The following CDH24 variants were observed in gnomAD, a reference collection of about 807,000 sequenced individuals.
CDH24 encodes cadherin-24.
CDH24 carries 61 observed loss-of-function variants against 71.2 expected under a neutral mutation model. The observed-to-expected ratio is 0.86, with a 90% CI of 0.70 to 1.06. CDH24 has a LOEUF of 1.06. Ranked by LOEUF, CDH24 falls within the 50% of genes least tolerant of loss-of-function variation. The probability of loss-of-function intolerance (pLI) is 0.00; values close to 1 mark genes in which losing one functional copy is unlikely to be tolerated. For missense variants in CDH24, 961 were observed against 1,083.7 expected (o/e 0.89, Z 1.59); for synonymous variants, 440 against 470.2 (o/e 0.94, Z 0.83).
At position 23,048,068 on chromosome 14, in the gene CDH24, G is replaced by A; in HGVS notation, c.2258C>T (p.Pro753Leu). Residue 753 changes from proline (P) to leucine (L), a missense_variant, in exon 12 of 13, where the codon CCC becomes CTC. By Grantham distance (98) the Pro-to-Leu change is moderately conservative. This residue lies in a region of CDH24 where 290 missense variants were observed against 272.8 expected (regional missense o/e 1.06). Coordinates refer to ENST00000487137, the MANE Select transcript of CDH24 (RefSeq NM_144985.4). ...GTCGTCCAGCGGCTCCGCGGGGCCG[G>A]GGGCGCCGCCGGCTTCGCTGCCGGA... The part of the protein sequence containing the change: ...LGSGSEAGGA[P>L]GPAEPLDDWG... 2 of 1,430,490 alleles carry A rather than the reference G, an allele frequency of 1.4e-6. No homozygotes were observed. Among genetic ancestry groups the A allele is most frequent in the African/African-American group, 1.5e-5 (1 of 66,314 alleles). 88.6% of individuals were successfully genotyped at this position (1,430,490 alleles called of 1,614,324 possible).
chr14:23,048,635 C>G (rs2047061455), intron 11 of CDH24, among the ~76,000 whole-genome samples, 156 bp from the exon 12 acceptor site: 1 of 152,224 alleles, frequency 6.6e-6, no homozygotes, highest in South Asian at 2.1e-4. Flanking sequence ...TCAGCCCTTA[C>G]TCGCTATGTG....
intron 11 of CDH24, 103 bp from the exon 12 acceptor site, chr14:23,048,582 CT>C: frequency 1.7e-6 from 2 of 1,177,702 alleles, no homozygotes; most frequent in Non-Finnish European, 2.4e-6. Context: ...AAGCCCTGTG[CT>C]TAGGGGCTGA....
rs966248241 is a variant in CDH24 at position 23,051,970 on chromosome 14, C to T, written c.1363+503G>A. 1.3e-6 allele frequency: 2 copies of T among 1,550,696 alleles called. No individual in the cohort carries two copies. Among genetic ancestry groups the T allele is most frequent in the Non-Finnish European group, 1.8e-6 (2 of 1,139,824 alleles). ...TTCCTTATGGTGTCCACTCCCCTAC[C>T]TTGGGGGATTCCCACAGCGCTTCCA... On this transcript the variant is annotated intron_variant, in intron 8 of 12. Transcript: ENST00000487137. This position sits in a 1 kb window ranked among gnomAD's most constrained non-coding sequence, Gnocchi z 4.4.
rs145040862 is a variant in CDH24 at position 23,051,033 on chromosome 14, G to GCA, written c.1364-1092_1364-1091dup. 0.034 allele frequency among the ~76,000 whole-genome samples: 5,188 copies of GCA among 150,930 alleles called. 294 individuals carry two copies. The highest frequency in any genetic ancestry group is 0.12 in the African/African-American group (4,886 of 41,054). On this transcript the variant is annotated intron_variant, in intron 8 of 12. Transcript: ENST00000487137. The surrounding 1 kb of genome is among the most constrained non-coding windows in gnomAD (Gnocchi z 4.4). ...GAATGAGAAGACAGTGACTAGAAAC[G>GCA]CACACACACACAAAGCTATGTATAT... is the stretch of plus-strand genomic sequence containing the variant.
In CDH24 at chr14:23,049,816, G is replaced by C; in HGVS notation, c.1485+6C>G. On this transcript the variant is annotated splice_donor_region_variant and intron_variant, in intron 9 of 12. Transcript: ENST00000487137. ...ACGTCCCAACCCCTCTGCCTCAGTTGCTCACCTGGCCAGGAGCTGCAGAGT... is the reference window on the plus strand; with the variant it reads ...ACGTCCCAACCCCTCTGCCTCAGTTCCTCACCTGGCCAGGAGCTGCAGAGT... 6.2e-7 allele frequency: 1 copy of C among 1,613,924 alleles called. No individual in the cohort carries two copies. The highest frequency in any genetic ancestry group is 8.5e-7 in the Non-Finnish European group (1 of 1,179,880).
rs776898472 is a variant in CDH24 at position 23,049,236 on chromosome 14, G to A, written c.1637C>T (p.Pro546Leu). The A allele has an allele frequency of 1.9e-6, 3 of 1,576,146 alleles. No homozygotes were observed. The South Asian group carries it at 3.5e-5, about 18-fold the overall frequency. Residue 546 changes from proline to leucine, a missense_variant, in exon 11 of 13, where the codon CCA becomes CTA. Physicochemically the swap from Pro to Leu is moderately conservative, Grantham distance 98. Around this residue, in one of 2 missense-constraint regions of CDH24, gnomAD observed 671 missense variants for 810.9 expected, o/e 0.83. Transcript: ENST00000487137. ...ASLLLPSRPA[P>L]PRHAPYLVPI... Reference sequence around the variant, plus strand: ...AACCAAGTAGGGGGCATGGCGGGGTGGAGCAGGGCGGGAGGGCAGCAGCAG... The same window carrying A: ...AACCAAGTAGGGGGCATGGCGGGGTAGAGCAGGGCGGGAGGGCAGCAGCAG...
Position 23,048,338 on chromosome 14 carries a change from G to T in CDH24, c.1988C>A (p.Thr663Lys). Reference protein sequence around the residue: ...GEEDTEAFDITALQNPDGAAP... With the variant: ...GEEDTEAFDIKALQNPDGAAP... ...CGCCCCGTCCGGGTTCTGCAAGGCC[G>T]TGATGTCGAAGGCCTCGGTGTCCTC... The change falls in exon 12 of 13, where the codon ACG becomes AAG. Residue 663 changes from threonine (T) to lysine (K), a missense_variant. By Grantham distance (78) the Thr-to-Lys change is moderately conservative (BLOSUM62 -1). Around this residue, in one of 2 missense-constraint regions of CDH24, gnomAD observed 290 missense variants for 272.8 expected, o/e 1.06. Coordinates refer to ENST00000487137, the MANE Select transcript of CDH24 (RefSeq NM_144985.4). 6.2e-7 allele frequency: 1 copy of T among 1,611,236 alleles called. No homozygotes were observed. Among genetic ancestry groups the T allele is most frequent in the Non-Finnish European group, 8.5e-7 (1 of 1,179,264 alleles).
chr14:23,047,904 TG>T lies in CDH24; in HGVS notation c.*75del. The T allele has an allele frequency of 8.7e-7, 1 of 1,153,918 alleles. No homozygotes were observed. Among genetic ancestry groups the T allele is most frequent in the Non-Finnish European group, 1.1e-6 (1 of 909,798 alleles). The allele number at this position is 1,153,918 out of a possible 1,614,324, so 71.5% of individuals were successfully genotyped here. A position where few individuals can be genotyped will look rare whatever the true frequency, so the allele number is the denominator to read the frequency against. On this transcript the variant is annotated 3_prime_UTR_variant, in exon 12 of 13. Coordinates refer to ENST00000487137, the MANE Select transcript of CDH24 (RefSeq NM_144985.4). ...GGCCCCTGGGCTGCTGCCGCCCGCC[TG>T]GACCCCGTGGGGCTCACTCAGAGGG...
Position 23,054,522 on chromosome 14 carries a change from G to T in CDH24, c.768C>A (p.Pro256=). 1 of 1,613,514 alleles carries T rather than the reference G, an allele frequency of 6.2e-7. No individual in the cohort carries two copies. Among genetic ancestry groups the T allele is most frequent in the Admixed American group, 1.7e-5 (1 of 59,970 alleles). Residue 256 remains proline (P), a synonymous_variant, in exon 5 of 13, where the codon CCC becomes CCA. Coordinates refer to ENST00000487137, the MANE Select transcript of CDH24 (RefSeq NM_144985.4). This position sits in a 1 kb window ranked among gnomAD's most constrained non-coding sequence, Gnocchi z 5.2. Reference sequence around the variant, plus strand: ...GCCCCTTACTCTGTGGGAACTTGGGGGGGTTGTCGTTGACATCGCTGAGCG... The same window carrying T: ...GCCCCTTACTCTGTGGGAACTTGGGTGGGTTGTCGTTGACATCGCTGAGCG... ...TVTLSDVNDN[P]PKFPQSLYQF... is the part of the protein sequence containing the mutation.
At chr14:23,050,493 C>CCA (rs10553168) in intron 8 of CDH24, among the ~76,000 whole-genome samples, 9,923 of 144,776 alleles carry the variant, frequency 0.069, 434 homozygotes, top group African/African-American at 0.14. Flanking sequence ...CATATACACA[C>CCA]CACACACACA....
intron 7 of CDH24, among the ~76,000 whole-genome samples, 179 bp downstream of exon 7, chr14:23,053,317 C>T (rs1357458674): frequency 6.6e-6 from 1 of 152,226 alleles, no homozygotes; most frequent in Non-Finnish European, 1.5e-5. Context: ...GAGTGGTCAG[C>T]CAGGCCCTCC....
chr14:23,051,998 AGGGCTTCTCTGG>A lies in CDH24; in HGVS notation c.1363+463_1363+474del. ...GGGGGATTCCCACAGCGCTTCCAACAGGGCTTCTCTGGGGTGGGGCTGCTGGTGCACTCCACT... is the reference window on the plus strand; with the variant it reads ...GGGGGATTCCCACAGCGCTTCCAACAGGTGGGGCTGCTGGTGCACTCCACT... On this transcript the variant is annotated intron_variant, in intron 8 of 12. Coordinates refer to ENST00000487137, the MANE Select transcript of CDH24 (RefSeq NM_144985.4). This position sits in a 1 kb window ranked among gnomAD's most constrained non-coding sequence, Gnocchi z 4.4. 6.3e-7 allele frequency: 1 copy of A among 1,587,564 alleles called. No individual in the cohort carries two copies. Among genetic ancestry groups the A allele is most frequent in the Non-Finnish European group, 8.6e-7 (1 of 1,165,960 alleles).
intron 1 of CDH24, among the ~76,000 whole-genome samples, chr14:23,056,870 C>A (rs569610562): frequency 2.3e-3 from 351 of 152,170 alleles, no homozygotes; most frequent in Middle Eastern, 0.014. Context: ...GTAGCTGTGG[C>A]TTCTGCCCCT....
Position 23,048,100 on chromosome 14 carries a change from G to C in CDH24, c.2226C>G (p.Ser742=). 2 of 1,409,334 alleles carry C rather than the reference G, an allele frequency of 1.4e-6. No individual in the cohort carries two copies. The highest frequency in any genetic ancestry group is 1.8e-6 in the Non-Finnish European group (2 of 1,087,932). 87.3% of individuals were successfully genotyped at this position (1,409,334 alleles called of 1,614,324 possible). A position where few individuals can be genotyped will look rare whatever the true frequency, so the allele number is the denominator to read the frequency against. The change falls in exon 12 of 13, where the codon TCC becomes TCG. Residue 742 remains serine (S), a synonymous_variant. Coordinates refer to ENST00000487137, the MANE Select transcript of CDH24 (RefSeq NM_144985.4). ...CGCCGGCTTCGCTGCCGGAGCCCAG[G>C]GAGCTGAGGGAGCCGCAAGAGGAGC... ...GRGSSCGSLS[S]LGSGSEAGGA...
At chr14:23,052,965 C>A (rs2047096118) in intron 7 of CDH24, among the ~76,000 whole-genome samples, 1 of 152,076 alleles carries the variant, frequency 6.6e-6, no homozygotes, top group African/African-American at 2.4e-5. Context: ...TGACTTAGGG[C>A]AAATTGTTTA....
rs1244209970 is a variant in CDH24 at position 23,047,748 on chromosome 14, A to G, written c.*232T>C. ...CAGGGCAGGAAACCCAGGCCCGGAC[A>G]GAGGAGCGTGTCACAGATAGAGACA... is the stretch of plus-strand genomic sequence containing the variant. On this transcript the variant is annotated 3_prime_UTR_variant, in exon 12 of 13. Transcript: ENST00000487137. 2.9e-6 allele frequency: 1 copy of G among 350,154 alleles called. No homozygotes were observed. The highest frequency in any genetic ancestry group is 5.1e-6 in the Non-Finnish European group (1 of 195,362). 21.7% of individuals were successfully genotyped at this position (350,154 alleles called of 1,614,324 possible).
At chr14:23,049,789 G>A in intron 9 of CDH24, 33 bp downstream of exon 9, 1 of 1,613,154 alleles carries the variant, frequency 6.2e-7, no homozygotes, top group Non-Finnish European at 8.5e-7. Context: ...CTGGAGGCCT[G>A]GACGTCCCAA....
intron 8 of CDH24, chr14:23,052,139 T>G: frequency 1.0e-6 from 1 of 991,058 alleles, no homozygotes; most frequent in Non-Finnish European, 1.6e-6. Flanking sequence ...GGGGGCTATG[T>G]AAGGTCTAGT....
chr14:23,055,434 G>C lies in CDH24; in HGVS notation c.202-81C>G. 13 of 1,583,678 alleles carry C rather than the reference G, an allele frequency of 8.2e-6. No homozygotes were observed. Among genetic ancestry groups the C allele is most frequent in the Non-Finnish European group, 1.1e-5 (13 of 1,161,196 alleles). ...GAGTCTAGGTTTGGGTAGAGCGTTGGGAGTCCTGAGGGACCAAGGTCATTG... is the reference window on the plus strand; with the variant it reads ...GAGTCTAGGTTTGGGTAGAGCGTTGCGAGTCCTGAGGGACCAAGGTCATTG... On this transcript the variant is annotated intron_variant, in intron 2 of 12. Coordinates refer to ENST00000487137, the MANE Select transcript of CDH24 (RefSeq NM_144985.4). The surrounding 1 kb of genome is among the most constrained non-coding windows in gnomAD (Gnocchi z 4.1).
Sources: gnomAD v4.1 joint callset for allele counts (sites outside exome capture counted in the v4.1 genomes callset) on GRCh38, gnomAD v4.1.1 for gene constraint, gnomAD v4.1.1 regional missense constraint, Gnocchi (gnomAD v3.1) non-coding constraint, MANE v1.5 for transcripts, NCBI Gene and HGNC (gene_info 2026-07-23, HGNC 2026-07-21) for gene names.